Variants in MAP3K4 observed in about 807,000 individuals in gnomAD.
MAP3K4 encodes MAP three kinase 1.
A neutral mutation model predicts 185.6 loss-of-function variants in MAP3K4; 67 were observed. The observed-to-expected ratio is 0.36, with a 90% CI of 0.30 to 0.44. The LOEUF (loss-of-function observed/expected upper bound fraction) is 0.44, where lower values mean the gene tolerates loss of function less well. MAP3K4 is among the 20% of genes least tolerant of loss of function. The pLI, the probability that MAP3K4 is intolerant of heterozygous loss-of-function variation, is 1.00. For synonymous variants in MAP3K4, 702 were observed against 710.4 expected (o/e 0.99, Z 0.19); for missense variants, 1,551 against 1,995.1 (o/e 0.78, Z 4.24).
At chr6:161,024,933 A>C (rs1259874036) in intron 1 of MAP3K4, among the ~76,000 whole-genome samples, 1 of 152,142 alleles carries the variant, frequency 6.6e-6, no homozygotes, top group Non-Finnish European at 1.5e-5. Flanking sequence ...GTATGTATGT[A>C]TGTACCTGCC....
rs538580345 is a variant in MAP3K4 at position 161,096,306 on chromosome 6, T to C, written c.3428-774T>C. Among the ~76,000 whole-genome samples, 3 of 152,182 alleles carry C rather than the reference T, an allele frequency of 2.0e-5. No individual in the cohort carries two copies. Among genetic ancestry groups the C allele is most frequent in the South Asian group, 4.1e-4 (2 of 4,820 alleles). On this transcript the variant is annotated intron_variant, in intron 15 of 26. Coordinates refer to ENST00000392142, the MANE Select transcript of MAP3K4 (RefSeq NM_005922.4). The surrounding 1 kb of genome is among the most constrained non-coding windows in gnomAD (Gnocchi z 4.9). ...ATAAAACATATATAAACTAAAATTA[T>C]TAACATGAAGAGAAACTATGACATT... is the stretch of plus-strand genomic sequence containing the variant.
intron 2 of MAP3K4, among the ~76,000 whole-genome samples, chr6:161,041,925 T>G (rs1342052940): frequency 1.1e-5 from 1 of 94,644 alleles, no homozygotes; most frequent in Non-Finnish European, 1.9e-5. Context: ...TTTTTTTTTT[T>G]CTTTTTTTTT....
intron 23 of MAP3K4, 79 bp from the exon 24 acceptor site, chr6:161,111,757 C>T (rs1778359000): frequency 2.2e-6 from 3 of 1,366,628 alleles, no homozygotes; most frequent in South Asian, 1.4e-5. Context: ...AATGAAGTTC[C>T]TGGTCGTTTA....
rs181895700 is a variant in MAP3K4, at chr6:161,077,329, A to G, written c.2098-3552A>G. On this transcript the variant is annotated intron_variant, in intron 5 of 26. Transcript: ENST00000392142. This position sits in a 1 kb window ranked among gnomAD's most constrained non-coding sequence, Gnocchi z 4.3. ...AATAAAAATTAAAGAAAAATCAACA[A>G]GAACATATCTAAAGCAAATATGACA... 3.5e-4 allele frequency among the ~76,000 whole-genome samples: 54 copies of G among 152,350 alleles called. No homozygotes were observed. The highest frequency in any genetic ancestry group is 8.2e-4 in the African/African-American group (34 of 41,588).
chr6:161,083,975 T>C (rs940593530), intron 6 of MAP3K4, among the ~76,000 whole-genome samples: 7 of 152,226 alleles, frequency 4.6e-5, no homozygotes, highest in African/African-American at 1.7e-4. Context: ...TAAACTGTGG[T>C]TGAATTTTAC....
intron 2 of MAP3K4, among the ~76,000 whole-genome samples, chr6:161,046,745 A>G (rs1783745612): frequency 6.6e-6 from 1 of 151,044 alleles, no homozygotes; most frequent in Non-Finnish European, 1.5e-5. Flanking sequence ...GCAAATTTTC[A>G]TTGGTGCCTT....
chr6:161,115,319 G>C lies in MAP3K4; in HGVS notation c.4806+17G>C, dbSNP rs199916438. On this transcript the variant is annotated intron_variant, in intron 26 of 26. Transcript: ENST00000392142. The surrounding 1 kb of genome is among the most constrained non-coding windows in gnomAD (Gnocchi z 6.0). ...TTTGTCAAGGTTTGGCAGATTACTG[G>C]ATAGTCTTTTTCATGTTTAAGTGTT... 6.3e-7 allele frequency: 1 copy of C among 1,594,292 alleles called. No individual in the cohort carries two copies.
intron 1 of MAP3K4, among the ~76,000 whole-genome samples, chr6:161,031,694 A>G (rs912468276): frequency 1.3e-5 from 2 of 152,106 alleles, no homozygotes; most frequent in Non-Finnish European, 2.9e-5. Flanking sequence ...ACCATTTTAT[A>G]TTTTTCGTAG....
chr6:161,108,041 G>T lies in MAP3K4; in HGVS notation c.4119+72G>T, dbSNP rs1778175300. 2 of 1,386,302 alleles carry T rather than the reference G, an allele frequency of 1.4e-6. No individual in the cohort carries two copies. Among genetic ancestry groups the T allele is most frequent in the Non-Finnish European group, 1.0e-6 (1 of 991,758 alleles). The allele number at this position is 1,386,302 out of a possible 1,614,324, so 85.9% of individuals were successfully genotyped here. A position where few individuals can be genotyped will look rare whatever the true frequency, so the allele number is the denominator to read the frequency against. Reference sequence around the variant, plus strand: ...TGATAGAAATTCCGTATAGACGCTGGTCGTGATTCAGTTCTCTGTGCGTAG... The same window carrying T: ...TGATAGAAATTCCGTATAGACGCTGTTCGTGATTCAGTTCTCTGTGCGTAG... On this transcript the variant is annotated intron_variant, in intron 21 of 26. Transcript: ENST00000392142. This position sits in a 1 kb window ranked among gnomAD's most constrained non-coding sequence, Gnocchi z 5.7.
rs1783095917 is a variant in MAP3K4 at position 161,034,952 on chromosome 6, CAA to C, written c.343+504_343+505del. Among the ~76,000 whole-genome samples the C allele has an allele frequency of 1.3e-5, 2 of 152,144 alleles. No homozygotes were observed. The highest frequency in any genetic ancestry group is 6.5e-5 in the Admixed American group (1 of 15,272). On this transcript the variant is annotated intron_variant, in intron 2 of 26. Transcript: ENST00000392142. This position sits in a 1 kb window ranked among gnomAD's most constrained non-coding sequence, Gnocchi z 4.4. ...CTAAGCACAGTGACCCCACACCTAACAACCATGACAGAACCTGCTTTCTACTT... is the reference window on the plus strand; with the variant it reads ...CTAAGCACAGTGACCCCACACCTAACCCATGACAGAACCTGCTTTCTACTT...
chr6:161,076,748 G>A lies in MAP3K4; in HGVS notation c.2097+3136G>A, dbSNP rs568708891. Among the ~76,000 whole-genome samples the A allele has an allele frequency of 1.3e-5, 2 of 152,352 alleles. No individual in the cohort carries two copies. The highest frequency in any genetic ancestry group is 2.1e-4 in the South Asian group (1 of 4,828). On this transcript the variant is annotated intron_variant, in intron 5 of 26. Coordinates refer to ENST00000392142, the MANE Select transcript of MAP3K4 (RefSeq NM_005922.4). The surrounding 1 kb of genome is among the most constrained non-coding windows in gnomAD (Gnocchi z 4.2). ...GTACACAATTTGAGTTTCTGCAGAA[G>A]AACAAAGAGCAAAGAAGCAGGGAAG...
Position 161,070,937 on chromosome 6 carries a change from TTTC to T in MAP3K4, c.1950+90_1950+92del. ...TTTTTATTTTGAGAGTTCCTTTTTT[TTTC>T]TTAATTGTCGCAAATAGTGAAAAAT... On this transcript the variant is annotated intron_variant, in intron 4 of 26. Transcript: ENST00000392142. This position sits in a 1 kb window ranked among gnomAD's most constrained non-coding sequence, Gnocchi z 4.5. 7.9e-7 allele frequency: 1 copy of T among 1,263,690 alleles called. No homozygotes were observed. Among genetic ancestry groups the T allele is most frequent in the Non-Finnish European group, 1.1e-6 (1 of 943,354 alleles). The allele number at this position is 1,263,690 out of a possible 1,614,324, so 78.3% of individuals were successfully genotyped here. A position where few individuals can be genotyped will look rare whatever the true frequency, so the allele number is the denominator to read the frequency against.
At chr6:161,029,605 T>C (rs73024083) in intron 1 of MAP3K4, among the ~76,000 whole-genome samples, 21 of 152,342 alleles carry the variant, frequency 1.4e-4, no homozygotes, top group South Asian at 6.2e-4. Context: ...TTGCATGTTA[T>C]TAAACACAAG....
chr6:161,004,655 A>T (rs1327537459), intron 1 of MAP3K4, among the ~76,000 whole-genome samples: 1 of 152,258 alleles, frequency 6.6e-6, no homozygotes, highest in Non-Finnish European at 1.5e-5. Context: ...CAATTAAGAT[A>T]GGATCGTGGG....
At position 161,106,478 on chromosome 6, in the gene MAP3K4, T is replaced by G; in HGVS notation, c.3857-36T>G. The G allele has an allele frequency of 6.7e-7, 1 of 1,487,872 alleles. No homozygotes were observed. Among genetic ancestry groups the G allele is most frequent in the South Asian group, 1.3e-5 (1 of 77,912 alleles). The allele number at this position is 1,487,872 out of a possible 1,614,324, so 92.2% of individuals were successfully genotyped here. A position where few individuals can be genotyped will look rare whatever the true frequency, so the allele number is the denominator to read the frequency against. On this transcript the variant is annotated intron_variant, in intron 19 of 26. Transcript: ENST00000392142. This position sits in a 1 kb window ranked among gnomAD's most constrained non-coding sequence, Gnocchi z 4.9. ...CTTTTGGAAACTGACTTGATAACAG[T>G]GATTGGGACTAATGAGGTTTTGGTT...
chr6:161,015,970 T>G (rs935161904), intron 1 of MAP3K4, among the ~76,000 whole-genome samples: 1 of 152,198 alleles, frequency 6.6e-6, no homozygotes, highest in Non-Finnish European at 1.5e-5. Context: ...CACTGGATTG[T>G]TTTCACCTTT....
chr6:161,024,075 T>A (rs1341123414), intron 1 of MAP3K4, among the ~76,000 whole-genome samples: 1 of 152,172 alleles, frequency 6.6e-6, no homozygotes, highest in Non-Finnish European at 1.5e-5. Flanking sequence ...CAAGCGATTC[T>A]CTTGCTTCAC....
Position 161,067,291 on chromosome 6 carries a change from T to C in MAP3K4, c.1708-3317T>C. On this transcript the variant is annotated intron_variant, in intron 3 of 26. Transcript: ENST00000392142. The surrounding 1 kb of genome is among the most constrained non-coding windows in gnomAD (Gnocchi z 6.3). Reference sequence around the variant, plus strand: ...TCGAAGCAGGGATGGGGCTTGCAGGTCACAGGTAGGTAAGAGACAAAACGT... The same window carrying C: ...TCGAAGCAGGGATGGGGCTTGCAGGCCACAGGTAGGTAAGAGACAAAACGT... The C allele has an allele frequency of 2.3e-6, 1 of 434,146 alleles. No homozygotes were observed. The highest frequency in any genetic ancestry group is 4.6e-6 in the Non-Finnish European group (1 of 216,306). The allele number at this position is 434,146 out of a possible 1,614,324, so 26.9% of individuals were successfully genotyped here. A position where few individuals can be genotyped will look rare whatever the true frequency, so the allele number is the denominator to read the frequency against.
At chr6:161,004,048 A>T (rs948193050) in intron 1 of MAP3K4, among the ~76,000 whole-genome samples, 2 of 152,150 alleles carry the variant, frequency 1.3e-5, no homozygotes, top group Admixed American at 6.5e-5. Context: ...CAATATACCA[A>T]GCATATAGTT....
Sources: allele counts gnomAD v4.1 joint callset (sites outside exome capture counted in the v4.1 genomes callset), GRCh38; gene constraint gnomAD v4.1.1; non-coding constraint Gnocchi (gnomAD v3.1); transcripts MANE v1.5; gene names NCBI Gene and HGNC (gene_info 2026-07-23, HGNC 2026-07-21).